Variants in PRDM6 observed in about 807,000 individuals in gnomAD.
The protein encoded by PRDM6 is putative histone-lysine N-methyltransferase PRDM6.
Under a neutral mutation model 60.8 loss-of-function variants are expected in PRDM6, and 25 were observed. That is an observed-to-expected ratio of 0.41 (90% CI 0.30 to 0.57). PRDM6 has a LOEUF of 0.57. Among genes scored for constraint, PRDM6 ranks in the 20% least tolerant of loss-of-function variants. The probability of loss-of-function intolerance (pLI) is 0.27; values close to 1 mark genes in which losing one functional copy is unlikely to be tolerated. For synonymous variants in PRDM6, 407 were observed against 357.4 expected (o/e 1.14, Z -1.57); for missense variants, 839 against 821.3 (o/e 1.02, Z -0.26).
At chr5:123,159,720 C>T (rs1248375085) in intron 5 of PRDM6, 82 bp downstream of exon 5, 2 of 1,355,818 alleles carry the variant, frequency 1.5e-6, no homozygotes, top group African/African-American at 1.5e-5. Context: ...TTTTGAAACT[C>T]ATGAAACGTG....
intron 3 of PRDM6, among the ~76,000 whole-genome samples, chr5:123,107,743 T>G (rs990114514): frequency 2.6e-5 from 4 of 152,252 alleles, no homozygotes; most frequent in Non-Finnish European, 5.9e-5. Context: ...GTCCTGTTTG[T>G]GAATACATAG....
intron 3 of PRDM6, among the ~76,000 whole-genome samples, chr5:123,128,998 C>G (rs1216178840): frequency 6.6e-6 from 1 of 152,178 alleles, no homozygotes; most frequent in Non-Finnish European, 1.5e-5. Context: ...CCAGTTTTCC[C>G]AGCACCATTT....
Position 123,090,528 on chromosome 5 carries a change from G to A in PRDM6, c.514G>A (p.Glu172Lys). The change falls in exon 2 of 8, where the codon GAG becomes AAG. Residue 172 changes from glutamate (E) to lysine (K), a missense_variant. Glu to Lys is a moderately conservative substitution (Grantham distance 56). Around this residue, in one of 2 missense-constraint regions of PRDM6, gnomAD observed 730 missense variants for 648.8 expected, o/e 1.13. Transcript: ENST00000407847. ...CCCGCGCTTCCGCTGCAGCGCAGAG[G>A]AGCTGGACTATTACCTGTATGGCCA... ...GAPRFRCSAE[E>K]LDYYLYGQQR... 6.6e-7 allele frequency: 1 copy of A among 1,514,512 alleles called. No homozygotes were observed. The highest frequency in any genetic ancestry group is 8.8e-7 in the Non-Finnish European group (1 of 1,139,574). 93.8% of individuals were successfully genotyped at this position (1,514,512 alleles called of 1,614,324 possible).
In PRDM6 at chr5:123,193,112, C is replaced by T. The variant is rs973583991; in HGVS notation, c.*5911C>T. 6.6e-6 allele frequency: 1 copy of T among 152,152 alleles called. No individual in the cohort carries two copies. Among genetic ancestry groups the T allele is most frequent in the Non-Finnish European group, 1.5e-5 (1 of 68,020 alleles). 9.4% of individuals were successfully genotyped at this position (152,152 alleles called of 1,614,324 possible). On this transcript the variant is annotated 3_prime_UTR_variant, in exon 8 of 8. Transcript: ENST00000407847. ...TGAAACCACAATGTATACTACTTTC[C>T]TCCAGATTCTGATTCTAATGGGCAC...
At chr5:123,156,120 G>T in intron 4 of PRDM6, 109 bp downstream of exon 4, 3 of 1,118,706 alleles carry the variant, frequency 2.7e-6, no homozygotes, top group South Asian at 1.7e-5. Context: ...AACTCTGCAA[G>T]GACTGGCAGA....
At chr5:123,165,163 A>T (rs1765725449) in intron 5 of PRDM6, among the ~76,000 whole-genome samples, 1 of 152,070 alleles carries the variant, frequency 6.6e-6, no homozygotes, top group African/African-American at 2.4e-5. Context: ...AGACCTCCTT[A>T]CTGAGCGCCA....
intron 3 of PRDM6, 62 bp downstream of exon 3, chr5:123,100,023 T>G (rs184335493): frequency 7.0e-7 from 1 of 1,430,038 alleles, no homozygotes; most frequent in African/African-American, 1.4e-5. Context: ...CAGGGAGCCT[T>G]GGCCGGCAGG....
chr5:123,123,916 A>G (rs1242221185), intron 3 of PRDM6, among the ~76,000 whole-genome samples: 1 of 152,180 alleles, frequency 6.6e-6, no homozygotes, highest in Non-Finnish European at 1.5e-5. Flanking sequence ...ATGGGTGGAG[A>G]AAGGGAGAGC....
At chr5:123,107,222 A>G (rs1561810964) in intron 3 of PRDM6, among the ~76,000 whole-genome samples, 1 of 152,336 alleles carries the variant, frequency 6.6e-6, no homozygotes, top group East Asian at 1.9e-4. Flanking sequence ...AATTTTTGCA[A>G]ATTGCACCTG....
intron 4 of PRDM6, among the ~76,000 whole-genome samples, chr5:123,159,043 G>A (rs1765569667): frequency 6.6e-6 from 1 of 152,082 alleles, no homozygotes; most frequent in Admixed American, 6.5e-5. Flanking sequence ...ATTTCCCTGA[G>A]TCCTTATATC....
chr5:123,131,491 A>G (rs969964083), intron 3 of PRDM6, among the ~76,000 whole-genome samples: 1 of 152,238 alleles, frequency 6.6e-6, no homozygotes, highest in African/African-American at 2.4e-5. Context: ...TAAAGAAATT[A>G]TTATTAATGT....
chr5:123,156,865 C>T (rs762793958), intron 4 of PRDM6, among the ~76,000 whole-genome samples: 3 of 152,106 alleles, frequency 2.0e-5, no homozygotes, highest in Non-Finnish European at 4.4e-5. Context: ...AAAAAAGCCC[C>T]ACCACTAAGC....
chr5:123,109,783 C>G (rs747735252), intron 3 of PRDM6, among the ~76,000 whole-genome samples: 8 of 152,128 alleles, frequency 5.3e-5, no homozygotes, highest in Admixed American at 2.0e-4. Context: ...AAAATCCTCA[C>G]AACAAAGAAC....
intron 2 of PRDM6, among the ~76,000 whole-genome samples, chr5:123,094,949 A>C (rs1171691839): frequency 1.3e-5 from 2 of 152,230 alleles, no homozygotes; most frequent in Non-Finnish European, 2.9e-5. Flanking sequence ...TCTTGGTCCC[A>C]GGGTCAAGCC....
chr5:123,135,162 C>T (rs1366656988), intron 3 of PRDM6, among the ~76,000 whole-genome samples: 2 of 152,150 alleles, frequency 1.3e-5, no homozygotes. Context: ...GTGAGGTAAA[C>T]ATATATCAAA....
At chr5:123,152,440 A>C (rs1453376436) in intron 3 of PRDM6, among the ~76,000 whole-genome samples, 3 of 152,164 alleles carry the variant, frequency 2.0e-5, no homozygotes, top group Non-Finnish European at 4.4e-5. Context: ...AAATTAAAAA[A>C]ATTTTTAAAC....
chr5:123,125,159 A>AACCCGCCGGC (rs1561831026), intron 3 of PRDM6, among the ~76,000 whole-genome samples: 1,595 of 48,666 alleles, frequency 0.033, 19 homozygotes, highest in Middle Eastern at 0.16. Flanking sequence ...CCTCCCCCCC[A>AACCCGCCGGC]CCCGCCGGCC....
rs991114042 is a variant in PRDM6, at chr5:123,140,358, G to A, written c.901-15526G>A. Among the ~76,000 whole-genome samples the A allele has an allele frequency of 7.9e-5, 12 of 151,740 alleles. No individual in the cohort carries two copies. In the East Asian group the frequency reaches 1.9e-3, roughly 24 times the overall value. Reference sequence around the variant, plus strand: ...GGAAAAATGATCTGGTTATTGCCATGGCAGCTATATTAAATTTTTAGGGTT... The same window carrying A: ...GGAAAAATGATCTGGTTATTGCCATAGCAGCTATATTAAATTTTTAGGGTT... On this transcript the variant is annotated intron_variant, in intron 3 of 7. Coordinates refer to ENST00000407847, the MANE Select transcript of PRDM6 (RefSeq NM_001136239.4).
intron 2 of PRDM6, among the ~76,000 whole-genome samples, chr5:123,093,412 G>A (rs568312335): frequency 6.6e-6 from 1 of 152,176 alleles, no homozygotes; most frequent in Non-Finnish European, 1.5e-5. Flanking sequence ...TATGGTAAAT[G>A]TCACAGTGAT....
Sources: allele counts gnomAD v4.1 joint callset (sites outside exome capture counted in the v4.1 genomes callset), GRCh38; gene constraint gnomAD v4.1.1; regional missense constraint gnomAD v4.1.1; transcripts MANE v1.5; gene names NCBI Gene and HGNC (gene_info 2026-07-23, HGNC 2026-07-21).